The following MYO5B variants were observed in gnomAD, a reference collection of about 807,000 sequenced individuals.
The protein encoded by MYO5B is unconventional myosin-Vb.
A neutral mutation model predicts 229.3 loss-of-function variants in MYO5B; 143 were observed. The observed-to-expected ratio is 0.62, with a 90% confidence interval of 0.54 to 0.72. The LOEUF (loss-of-function observed/expected upper bound fraction) is 0.72. Among genes scored for constraint, MYO5B ranks in the 30% least tolerant of loss-of-function variants. MYO5B has a pLI of 0.00. For synonymous variants in MYO5B, 918 were observed against 885.2 expected (o/e 1.04, Z -0.66); for missense variants, 2,321 against 2,331.0 (o/e 1.00, Z 0.09).
intron 17 of MYO5B, among the ~76,000 whole-genome samples, chr18:49,920,957 G>C (rs2025067805): frequency 6.6e-6 from 1 of 152,200 alleles, no homozygotes; most frequent in African/African-American, 2.4e-5. Context: ...CAAAGGCTGT[G>C]AGATCCTGAG....
chr18:49,898,320 C>G (rs1379996394), intron 21 of MYO5B, among the ~76,000 whole-genome samples: 2 of 152,170 alleles, frequency 1.3e-5, no homozygotes, highest in Non-Finnish European at 2.9e-5. Context: ...ATTTAAAAGG[C>G]TACTGACTCC....
chr18:49,953,374 G>C, intron 13 of MYO5B, 31 bp from the exon 14 acceptor site: 1 of 1,590,806 alleles, frequency 6.3e-7, no homozygotes, highest in South Asian at 1.1e-5. Context: ...GAGAGACACA[G>C]TCGTTAGTGC....
chr18:49,873,728 T>G (rs536022081), intron 26 of MYO5B, among the ~76,000 whole-genome samples: 3 of 152,192 alleles, frequency 2.0e-5, no homozygotes, highest in Non-Finnish European at 4.4e-5. Context: ...TCTATTAAGA[T>G]GGGCTGGCAG....
In MYO5B at chr18:49,935,583, C is replaced by G. The variant is rs185600755; in HGVS notation, c.2003+669G>C. Among the ~76,000 whole-genome samples the G allele has an allele frequency of 6.2e-4, 94 of 152,284 alleles. 1 individual carries two copies. The highest frequency in any genetic ancestry group is 2.0e-3 in the African/African-American group (82 of 41,554). On this transcript the variant is annotated intron_variant, in intron 16 of 39. Transcript: ENST00000285039. The stretch of plus-strand genomic sequence containing the variant: ...AGTGTGGTCTCAGATGTGCTGAAGG[C>G]AAGGTGGATAATGAAGCTGTAGTAG...
chr18:49,853,407 G>A lies in MYO5B; in HGVS notation c.4221+42C>T, dbSNP rs375717085. The A allele has an allele frequency of 2.6e-5, 42 of 1,608,218 alleles. No homozygotes were observed. The Admixed American group carries it at 2.7e-4, about 10-fold the overall frequency. ...CCCCGATCCCATTTGCTTCTAGAAC[G>A]TGACTTCCCAAAGCTGGGGTCCACT... On this transcript the variant is annotated intron_variant, in intron 31 of 39. Coordinates refer to ENST00000285039, the MANE Select transcript of MYO5B (RefSeq NM_001080467.3).
At chr18:50,000,185 G>C (rs1568065120) in intron 5 of MYO5B, among the ~76,000 whole-genome samples, 1 of 152,170 alleles carries the variant, frequency 6.6e-6, no homozygotes, top group African/African-American at 2.4e-5. Context: ...GTCCAGGCAG[G>C]TTCTTGTTTC....
chr18:49,872,082 A>G, intron 27 of MYO5B, 85 bp downstream of exon 27: 1 of 1,260,324 alleles, frequency 7.9e-7, no homozygotes, highest in Non-Finnish European at 1.2e-6. Flanking sequence ...ACTGGGGCTC[A>G]GGGCCTGATT....
intron 2 of MYO5B, among the ~76,000 whole-genome samples, chr18:50,047,467 T>C (rs980864969): frequency 1.4e-4 from 21 of 152,072 alleles, no homozygotes; most frequent in Admixed American, 6.5e-5. Context: ...TGTGGAGAAA[T>C]AGAAACACTT....
At chr18:49,954,529 G>C in intron 12 of MYO5B, 94 bp from the exon 13 acceptor site, 1 of 1,510,346 alleles carries the variant, frequency 6.6e-7, no homozygotes, top group Non-Finnish European at 9.2e-7. Context: ...GGCTGGCTCT[G>C]TGAAGGTTGA....
intron 2 of MYO5B, among the ~76,000 whole-genome samples, chr18:50,045,341 C>G (rs149108733): frequency 6.6e-6 from 1 of 152,130 alleles, no homozygotes; most frequent in South Asian, 2.1e-4. Flanking sequence ...AGTAGTATTG[C>G]GTGACTCAGT....
chr18:49,947,768 T>C (rs973092780), intron 14 of MYO5B, among the ~76,000 whole-genome samples: 1 of 152,168 alleles, frequency 6.6e-6, no homozygotes. Flanking sequence ...AACCTGTACA[T>C]AGGGACTGGC....
At chr18:50,182,320 A>ACCTC (rs768545035) in intron 1 of MYO5B, among the ~76,000 whole-genome samples, 99 of 152,196 alleles carry the variant, frequency 6.5e-4, no homozygotes, top group Middle Eastern at 3.4e-3. Context: ...ACATGCCCCC[A>ACCTC]CCTCATCATG....
At chr18:50,074,330 G>T (rs1050632273) in intron 1 of MYO5B, among the ~76,000 whole-genome samples, 1 of 152,180 alleles carries the variant, frequency 6.6e-6, no homozygotes. Context: ...ACAATTCAAG[G>T]TGAGATTTGG....
rs189640043 is a variant in MYO5B at position 49,942,824 on chromosome 18, A to T, written c.1753-5427T>A. ...TGGTGTGGCGATTCCTCAGGGATCT[A>T]GAACTAGAAATACCATTTGACACGG... On this transcript the variant is annotated intron_variant, in intron 14 of 39. Transcript: ENST00000285039. 1.4e-4 allele frequency among the ~76,000 whole-genome samples: 22 copies of T among 152,332 alleles called. 1 individual carries two copies. In the South Asian group the frequency reaches 4.3e-3, roughly 30 times the overall value.
At chr18:49,867,450 G>A (rs772155532) in intron 27 of MYO5B, among the ~76,000 whole-genome samples, 3 of 152,120 alleles carry the variant, frequency 2.0e-5, no homozygotes, top group Non-Finnish European at 4.4e-5. Context: ...GGGAGGATGT[G>A]TGGGTGGGTG....
At chr18:50,164,880 AAGTTG>A (rs1394527947) in intron 1 of MYO5B, among the ~76,000 whole-genome samples, 3 of 152,254 alleles carry the variant, frequency 2.0e-5, no homozygotes, top group Admixed American at 2.0e-4. Context: ...CTTGGAGCTG[AAGTTG>A]AGTTAAGAAA....
At chr18:49,839,001 G>C in intron 36 of MYO5B, 143 bp downstream of exon 36, 1 of 986,796 alleles carries the variant, frequency 1.0e-6, no homozygotes, top group Non-Finnish European at 1.6e-6. Flanking sequence ...GCACACCTCA[G>C]TTCTGCCTTC....
At chr18:49,962,876 G>A in intron 11 of MYO5B, 73 bp downstream of exon 11, 1 of 1,278,022 alleles carries the variant, frequency 7.8e-7, no homozygotes, top group Non-Finnish European at 1.1e-6. Context: ...CAGAGGAAGA[G>A]AAGTGGCCTG....
intron 18 of MYO5B, among the ~76,000 whole-genome samples, chr18:49,908,577 G>A (rs763346554): frequency 2.0e-5 from 3 of 152,144 alleles, no homozygotes; most frequent in Non-Finnish European, 4.4e-5. Context: ...TCGTGACACT[G>A]TCTCCTCTAC....
Sources: gnomAD v4.1 joint callset for allele counts (sites outside exome capture counted in the v4.1 genomes callset) on GRCh38, gnomAD v4.1.1 for gene constraint, MANE v1.5 for transcripts, NCBI Gene and HGNC (gene_info 2026-07-23, HGNC 2026-07-21) for gene names.